Variants in BRPF3 observed in about 807,000 individuals in gnomAD.
BRPF3 encodes the protein bromodomain and PHD finger containing 3.
In BRPF3, 18 loss-of-function variants were observed where a neutral mutation model predicts 102.0. The ratio of observed to expected loss-of-function variants is 0.18; its 90% CI spans 0.12 to 0.26. The LOEUF is 0.26. Among genes scored for constraint, BRPF3 ranks in the 10% least tolerant of loss-of-function variants. BRPF3 has a pLI of 1.00. For synonymous variants in BRPF3, 570 were observed against 614.2 expected, an observed-to-expected ratio of 0.93 and a Z score of 1.06; for missense variants, 1,147 against 1,567.8, an observed-to-expected ratio of 0.73 and a Z score of 4.53.
chr6:36,198,929 A>G (rs1448639143), intron 1 of BRPF3, among the ~76,000 whole-genome samples: 1 of 152,198 alleles, frequency 6.6e-6, no homozygotes, highest in Non-Finnish European at 1.5e-5. Context: ...CTTTTGAGGT[A>G]ACAGAATGCA....
At position 36,211,262 on chromosome 6, in the gene BRPF3, C is replaced by T. The variant is rs1218038273; in HGVS notation, c.2184C>T (p.Asp728=). The part of the protein sequence containing the change: ...DFYRFSWEDV[D]NILIPENRAH... ...GTCCTCCCTTCTCCCTGGCAGTGGA[C>T]AACATCCTCATCCCAGAGAACCGGG... The change falls in exon 7 of 13, where the codon GAC becomes GAT. Residue 728 remains aspartate (D), a synonymous_variant. Transcript: ENST00000357641. The T allele has an allele frequency of 1.2e-6, 2 of 1,612,814 alleles. No homozygotes were observed. Among genetic ancestry groups the T allele is most frequent in the Non-Finnish European group, 1.7e-6 (2 of 1,179,140 alleles).
rs574490272 is a variant in BRPF3, at chr6:36,210,839, A to G, written c.2179+311A>G. 1.6e-4 allele frequency among the ~76,000 whole-genome samples: 25 copies of G among 152,234 alleles called. No individual in the cohort carries two copies. In the East Asian group the frequency reaches 4.6e-3, roughly 28 times the overall value. On this transcript the variant is annotated intron_variant, in intron 6 of 12. Coordinates refer to ENST00000357641, the MANE Select transcript of BRPF3 (RefSeq NM_015695.3). The surrounding 1 kb of genome is among the most constrained non-coding windows in gnomAD (Gnocchi z 4.7). ...CCTCTGTATGGCATTGGAGCATGGG[A>G]CAGGGAGAGTGCATTGCTGGTGTGT...
In BRPF3 at chr6:36,228,973, C is replaced by T. The variant is rs200492602; in HGVS notation, c.3351C>T (p.Asp1117=). Residue 1117 remains aspartate, a synonymous_variant, in exon 12 of 13, where the codon GAC becomes GAT. Transcript: ENST00000357641. ...TTCCCATCCCTGTCCCCCCGCTGGA[C>T]GTGCTGAAGCTGGGAGAGCAGAAAC... ...NGVPIPVPPL[D]VLKLGEQKQA... The T allele has an allele frequency of 1.4e-4, 225 of 1,614,176 alleles. 2 individuals carry two copies. The highest frequency in any genetic ancestry group is 6.6e-4 in the Middle Eastern group (4 of 6,058).
chr6:36,221,121 T>A (rs1446308515), intron 9 of BRPF3, among the ~76,000 whole-genome samples: 2 of 152,170 alleles, frequency 1.3e-5, no homozygotes, highest in Non-Finnish European at 2.9e-5. Context: ...TACATTAGAA[T>A]TGTATGGGGA....
intron 10 of BRPF3, among the ~76,000 whole-genome samples, chr6:36,224,219 T>C (rs928005697): frequency 6.6e-6 from 1 of 152,148 alleles, no homozygotes; most frequent in East Asian, 1.9e-4. Context: ...ATAAATAAAA[T>C]TTTTTAAAAA....
rs1231833707 is a variant in BRPF3 at position 36,223,755 on chromosome 6, T to C, written c.3181+1490T>C. On this transcript the variant is annotated intron_variant, in intron 10 of 12. Coordinates refer to ENST00000357641, the MANE Select transcript of BRPF3 (RefSeq NM_015695.3). ...GTTGTTTCCGGCTTTTAGCATTATATGTAATGTAGTGAACCCATATTTTTG... is the reference window on the plus strand; with the variant it reads ...GTTGTTTCCGGCTTTTAGCATTATACGTAATGTAGTGAACCCATATTTTTG... Among the ~76,000 whole-genome samples, 3 of 152,238 alleles carry C rather than the reference T, an allele frequency of 2.0e-5. No homozygotes were observed. In the East Asian group the frequency reaches 5.8e-4, roughly 29 times the overall value.
intron 11 of BRPF3, among the ~76,000 whole-genome samples, chr6:36,226,387 G>A (rs572740691): frequency 6.6e-6 from 1 of 152,256 alleles, no homozygotes; most frequent in East Asian, 1.9e-4. Context: ...CTCAGTTGGG[G>A]AGGTAGTGTC....
rs973956098 is a variant in BRPF3, at chr6:36,207,452, G to A, written c.1737+8G>A. The A allele has an allele frequency of 1.9e-6, 3 of 1,613,742 alleles. No homozygotes were observed. The highest frequency in any genetic ancestry group is 2.5e-6 in the Non-Finnish European group (3 of 1,179,796). On this transcript the variant is annotated splice_region_variant and intron_variant, in intron 4 of 12. Transcript: ENST00000357641. ...AAGCTCAAACGAGAGCAGGTAAGGAGGAGCCCCCAGCCCTAGGGCCCTAGT... is the reference window on the plus strand; with the variant it reads ...AAGCTCAAACGAGAGCAGGTAAGGAAGAGCCCCCAGCCCTAGGGCCCTAGT...
At chr6:36,225,592 A>G (rs989160274) in intron 11 of BRPF3, among the ~76,000 whole-genome samples, 3 of 152,216 alleles carry the variant, frequency 2.0e-5, no homozygotes, top group Non-Finnish European at 4.4e-5. Flanking sequence ...TAGAGTTTTA[A>G]TAGCATTTAT....
At chr6:36,217,887 A>C in intron 8 of BRPF3, 30 bp from the exon 9 acceptor site, 1 of 1,601,902 alleles carries the variant, frequency 6.2e-7, no homozygotes, top group Non-Finnish European at 8.5e-7. Flanking sequence ...GGATTTCTGC[A>C]CTCAGACTCA....
At chr6:36,224,856 T>C (rs1768677521) in intron 10 of BRPF3, among the ~76,000 whole-genome samples, 1 of 152,176 alleles carries the variant, frequency 6.6e-6, no homozygotes, top group South Asian at 2.1e-4. Context: ...TTTGAAATGA[T>C]TGAAAAGAAA....
Position 36,201,143 on chromosome 6 carries a change from A to G in BRPF3, c.821A>G (p.Asn274Ser), listed in dbSNP as rs200164696. Reference sequence around the variant, plus strand: ...CCTGTGGATTGCATCCTTTGCCCCAATAAGGGTGGCGCCTTCAAACAGACC... The same window carrying G: ...CCTGTGGATTGCATCCTTTGCCCCAGTAAGGGTGGCGCCTTCAAACAGACC... ...SRPVDCILCP[N>S]KGGAFKQTSD... Residue 274 changes from asparagine to serine, a missense_variant, in exon 2 of 13, where the codon AAT becomes AGT. This residue lies in a region of BRPF3 where 221 missense variants were observed against 337.1 expected (regional missense o/e 0.66). Transcript: ENST00000357641. This position sits in a 1 kb window ranked among gnomAD's most constrained non-coding sequence, Gnocchi z 5.1. 33 of 1,614,022 alleles carry G rather than the reference A, an allele frequency of 2.0e-5. No individual in the cohort carries two copies. The highest frequency in any genetic ancestry group is 1.3e-5 in the African/African-American group (1 of 74,912).
In BRPF3 at chr6:36,200,274, G is replaced by T; in HGVS notation, c.-26-23G>T. 6.4e-7 allele frequency: 1 copy of T among 1,553,492 alleles called. No homozygotes were observed. Among genetic ancestry groups the T allele is most frequent in the South Asian group, 1.2e-5 (1 of 81,640 alleles). On this transcript the variant is annotated intron_variant, in intron 1 of 12. Transcript: ENST00000357641. The surrounding 1 kb of genome is among the most constrained non-coding windows in gnomAD (Gnocchi z 5.3). The stretch of plus-strand genomic sequence containing the variant: ...GGTGCATAAGGGCATCCAACTCATA[G>T]TCTCCTGGCCTTCTCTCCTTAGGCC...
chr6:36,220,738 T>C (rs1768506136), intron 9 of BRPF3, among the ~76,000 whole-genome samples: 1 of 152,224 alleles, frequency 6.6e-6, no homozygotes, highest in African/African-American at 2.4e-5. Context: ...GTAAACTGGG[T>C]ATTTTTTGTT....
At chr6:36,214,767 A>C (rs1768267798) in intron 8 of BRPF3, among the ~76,000 whole-genome samples, 1 of 152,204 alleles carries the variant, frequency 6.6e-6, no homozygotes, top group Admixed American at 6.5e-5. Flanking sequence ...TTATGGGGGA[A>C]TATATTAAAA....
Position 36,207,336 on chromosome 6 carries a change from T to C in BRPF3, c.1629T>C (p.Ser543=). The part of the protein sequence containing the change: ...AEQREQDEKT[S]AVKEELKYWQ... Reference sequence around the variant, plus strand: ...AGCGAGAGCAGGATGAGAAGACAAGTGCAGTGAAGGAGGAGCTGAAGTATT... The same window carrying C: ...AGCGAGAGCAGGATGAGAAGACAAGCGCAGTGAAGGAGGAGCTGAAGTATT... The change falls in exon 4 of 13, where the codon AGT becomes AGC. Residue 543 remains serine, a synonymous_variant. Transcript: ENST00000357641. 6.2e-7 allele frequency: 1 copy of C among 1,613,928 alleles called. No individual in the cohort carries two copies. Among genetic ancestry groups the C allele is most frequent in the Non-Finnish European group, 8.5e-7 (1 of 1,179,946 alleles).
chr6:36,218,742 AGCCACT>A, intron 9 of BRPF3, among the ~76,000 whole-genome samples: 1 of 152,180 alleles, frequency 6.6e-6, no homozygotes, highest in East Asian at 1.9e-4. Flanking sequence ...TACAGGCGTG[AGCCACT>A]GCGCCTGGCC....
intron 2 of BRPF3, 129 bp from the exon 3 acceptor site, chr6:36,204,529 G>A: frequency 9.9e-7 from 1 of 1,011,604 alleles, no homozygotes; most frequent in Non-Finnish European, 1.5e-6. Flanking sequence ...CTGAGGTGAG[G>A]TATTTGGCCA....
chr6:36,200,839 G>A lies in BRPF3; in HGVS notation c.517G>A (p.Val173Ile), dbSNP rs1257505884. 6 of 1,614,204 alleles carry A rather than the reference G, an allele frequency of 3.7e-6. No homozygotes were observed. The highest frequency in any genetic ancestry group is 2.2e-5 in the East Asian group (1 of 44,872). ...GGACATGGTGAATGAAAAACGGCGA[G>A]TAGATGGGCACAGTTTGGTGTCTGC... Reference protein sequence around the residue: ...WLDMVNEKRRVDGHSLVSADT... With the variant: ...WLDMVNEKRRIDGHSLVSADT... Residue 173 changes from valine to isoleucine, a missense_variant, in exon 2 of 13, where the codon GTA becomes ATA. Physicochemically the swap from Val to Ile is conservative, Grantham distance 29. Around this residue, in one of 11 missense-constraint regions of BRPF3, gnomAD observed 221 missense variants for 337.1 expected, o/e 0.66. Coordinates refer to ENST00000357641, the MANE Select transcript of BRPF3 (RefSeq NM_015695.3). This position sits in a 1 kb window ranked among gnomAD's most constrained non-coding sequence, Gnocchi z 5.3.
Sources: allele counts gnomAD v4.1 joint callset (sites outside exome capture counted in the v4.1 genomes callset), GRCh38; gene constraint gnomAD v4.1.1; regional missense constraint gnomAD v4.1.1; non-coding constraint Gnocchi (gnomAD v3.1); transcripts MANE v1.5; gene names NCBI Gene and HGNC (gene_info 2026-07-23, HGNC 2026-07-21).